Variants in POU6F2 observed in about 807,000 individuals in gnomAD.
POU6F2 encodes POU domain, class 6, transcription factor 2.
Under a neutral mutation model 71.3 loss-of-function variants are expected in POU6F2, and 31 were observed. The observed-to-expected ratio is 0.43, with a 90% CI of 0.33 to 0.59. The LOEUF (loss-of-function observed/expected upper bound fraction) is 0.59. Among genes scored for constraint, POU6F2 ranks in the 20% least tolerant of loss-of-function variants. POU6F2 has a pLI of 0.04. For synonymous variants in POU6F2, 347 were observed against 355.7 expected, an observed-to-expected ratio of 0.98 and a Z score of 0.27; for missense variants, 783 against 856.8, an observed-to-expected ratio of 0.91 and a Z score of 1.07.
chr7:39,179,429 G>T (rs760952686), intron 2 of POU6F2, among the ~76,000 whole-genome samples: 24 of 152,228 alleles, frequency 1.6e-4, no homozygotes, highest in Non-Finnish European at 3.2e-4. Flanking sequence ...GGTTAACTGG[G>T]TTAGAATACG....
At chr7:39,216,986 A>G (rs1006189236) in intron 4 of POU6F2, among the ~76,000 whole-genome samples, 13 of 152,176 alleles carry the variant, frequency 8.5e-5, no homozygotes, top group Admixed American at 7.9e-4. Context: ...TAAATACTGT[A>G]TATAACAAAG....
chr7:39,413,683 A>C (rs1787605970), intron 6 of POU6F2, among the ~76,000 whole-genome samples: 1 of 152,132 alleles, frequency 6.6e-6, no homozygotes. Flanking sequence ...ATTTTTTTTT[A>C]ATCGAATAAC....
chr7:39,293,651 G>A (rs535277257), intron 4 of POU6F2, among the ~76,000 whole-genome samples: 1 of 152,326 alleles, frequency 6.6e-6, no homozygotes, highest in South Asian at 2.1e-4. Flanking sequence ...CCGGTGACAA[G>A]GGAGGGTGGA....
intron 4 of POU6F2, among the ~76,000 whole-genome samples, chr7:39,322,486 G>A (rs1785417584): frequency 6.6e-6 from 1 of 152,188 alleles, no homozygotes; most frequent in Non-Finnish European, 1.5e-5. Context: ...GCTCTTTTAA[G>A]ATTATGATTT....
intron 6 of POU6F2, among the ~76,000 whole-genome samples, chr7:39,430,469 G>T (rs894047245): frequency 6.6e-6 from 1 of 152,210 alleles, no homozygotes; most frequent in Non-Finnish European, 1.5e-5. Flanking sequence ...AGGGTGGGGA[G>T]GAACATAGGC....
intron 4 of POU6F2, among the ~76,000 whole-genome samples, chr7:39,304,248 A>G (rs1256304390): frequency 6.6e-6 from 1 of 152,242 alleles, no homozygotes; most frequent in African/African-American, 2.4e-5. Context: ...ATCAGTAACG[A>G]AGGGGCTGTT....
intron 5 of POU6F2, among the ~76,000 whole-genome samples, chr7:39,359,987 A>G (rs1327395530): frequency 6.6e-6 from 1 of 152,202 alleles, no homozygotes; most frequent in East Asian, 1.9e-4. Context: ...TTGTTTAACT[A>G]CTAAGAAGCT....
At chr7:39,216,071 A>G (rs780151458) in intron 4 of POU6F2, among the ~76,000 whole-genome samples, 9 of 152,096 alleles carry the variant, frequency 5.9e-5, no homozygotes, top group Non-Finnish European at 1.3e-4. Context: ...CATCACTTCC[A>G]CTCACACGCT....
chr7:39,282,872 G>A (rs552174495), intron 4 of POU6F2, among the ~76,000 whole-genome samples: 1 of 152,122 alleles, frequency 6.6e-6, no homozygotes, highest in South Asian at 2.1e-4. Context: ...CACTTGGGTA[G>A]TATGAACATT....
chr7:39,423,390 T>A (rs3819423), intron 6 of POU6F2, among the ~76,000 whole-genome samples: 4 of 151,784 alleles, frequency 2.6e-5, no homozygotes, highest in Non-Finnish European at 4.4e-5. Flanking sequence ...GGTAACATCC[T>A]GGTCTTCTAT....
chr7:39,373,257 G>A (rs572187255), intron 5 of POU6F2, among the ~76,000 whole-genome samples: 4 of 152,322 alleles, frequency 2.6e-5, no homozygotes, highest in South Asian at 4.1e-4. Context: ...GGTGAAGGAA[G>A]AGAGGGGTAC....
intron 1 of POU6F2, among the ~76,000 whole-genome samples, chr7:39,027,569 G>A (rs923046723): frequency 4.6e-5 from 7 of 152,126 alleles, no homozygotes; most frequent in Admixed American, 2.0e-4. Context: ...CTTTTCTGTC[G>A]TTTTATATTT....
intron 4 of POU6F2, among the ~76,000 whole-genome samples, chr7:39,219,576 A>C (rs1224103803): frequency 6.6e-6 from 1 of 152,180 alleles, no homozygotes; most frequent in Non-Finnish European, 1.5e-5. Context: ...TAATTTTCTG[A>C]AACAATTTCC....
intron 5 of POU6F2, among the ~76,000 whole-genome samples, chr7:39,350,262 C>T (rs1786115169): frequency 6.6e-6 from 1 of 152,000 alleles, no homozygotes; most frequent in Admixed American, 6.6e-5. Flanking sequence ...TCTTTCCAGA[C>T]ATGAGTTCTC....
chr7:39,243,819 T>C (rs1361946384), intron 4 of POU6F2, among the ~76,000 whole-genome samples: 2 of 152,120 alleles, frequency 1.3e-5, no homozygotes, highest in East Asian at 3.9e-4. Flanking sequence ...TCTTGGTCAG[T>C]TGGAAAACTC....
chr7:39,315,579 C>A (rs13222559), intron 4 of POU6F2, among the ~76,000 whole-genome samples: 59,727 of 152,058 alleles, frequency 0.39, 13,054 homozygotes, highest in East Asian at 0.57. Context: ...GCCTTACTAT[C>A]TGAGTGGCCC....
At chr7:39,293,223 C>T (rs924704809) in intron 4 of POU6F2, among the ~76,000 whole-genome samples, 6 of 152,158 alleles carry the variant, frequency 3.9e-5, no homozygotes, top group African/African-American at 1.4e-4. Flanking sequence ...CCTCCCTCTC[C>T]TTGGCATGGA....
At chr7:39,186,171 T>G (rs1793536580) in intron 2 of POU6F2, among the ~76,000 whole-genome samples, 1 of 152,140 alleles carries the variant, frequency 6.6e-6, no homozygotes, top group Non-Finnish European at 1.5e-5. Context: ...TGAACAAATT[T>G]CAGATGATGA....
At chr7:39,369,982 G>C (rs1396487650) in intron 5 of POU6F2, among the ~76,000 whole-genome samples, 1 of 152,010 alleles carries the variant, frequency 6.6e-6, no homozygotes, top group Non-Finnish European at 1.5e-5. Context: ...CCAGCCTAAA[G>C]TATTTTTATA....
Sources: allele counts gnomAD v4.1 joint callset (sites outside exome capture counted in the v4.1 genomes callset), GRCh38; gene constraint gnomAD v4.1.1; transcripts MANE v1.5; gene names NCBI Gene and HGNC (gene_info 2026-07-23, HGNC 2026-07-21).